Variants in GRM1 observed in about 807,000 individuals in gnomAD.
The protein encoded by GRM1 is glutamate metabotropic receptor 1, also known as metabotropic glutamate receptor 1.
Under a neutral mutation model 90.9 loss-of-function variants are expected in GRM1, and 33 were observed. The observed-to-expected ratio is 0.36, with a 90% confidence interval of 0.28 to 0.49. The LOEUF is 0.49. GRM1 is among the 20% of genes least tolerant of loss of function. The pLI is 0.99. For missense variants in GRM1, 1,190 were observed against 1,534.3 expected, an observed-to-expected ratio of 0.78 and a Z score of 3.75; for synonymous variants, 700 against 613.2, an observed-to-expected ratio of 1.14 and a Z score of -2.09.
At chr6:146,365,647 C>G (rs1398335213) in intron 5 of GRM1, among the ~76,000 whole-genome samples, 1 of 152,152 alleles carries the variant, frequency 6.6e-6, no homozygotes, top group African/African-American at 2.4e-5. Flanking sequence ...GCAGGGTACT[C>G]ATCCTACCTA....
At chr6:146,253,346 A>G (rs1781369569) in intron 2 of GRM1, among the ~76,000 whole-genome samples, 1 of 152,108 alleles carries the variant, frequency 6.6e-6, no homozygotes, top group South Asian at 2.1e-4. Context: ...TAACATTATA[A>G]ATGATTGATT....
At chr6:146,119,254 T>A (rs1775886474) in intron 1 of GRM1, among the ~76,000 whole-genome samples, 1 of 152,260 alleles carries the variant, frequency 6.6e-6, no homozygotes, top group South Asian at 2.1e-4. Flanking sequence ...GAGAAGTGTC[T>A]GTTCATATCC....
chr6:146,103,184 A>T (rs532557800), intron 1 of GRM1, among the ~76,000 whole-genome samples: 49 of 152,332 alleles, frequency 3.2e-4, no homozygotes, highest in African/African-American at 1.1e-3. Flanking sequence ...GCATAATGAT[A>T]TAAGTATATT....
chr6:146,211,443 C>T (rs1779684944), intron 2 of GRM1, among the ~76,000 whole-genome samples: 1 of 151,682 alleles, frequency 6.6e-6, no homozygotes, highest in Non-Finnish European at 1.5e-5. Context: ...TGAAATTTTT[C>T]TTGGGTCTCT....
chr6:146,404,639 T>G (rs1777273619), intron 7 of GRM1, among the ~76,000 whole-genome samples: 2 of 152,196 alleles, frequency 1.3e-5, no homozygotes, highest in Non-Finnish European at 2.9e-5. Flanking sequence ...TCAGAAATGT[T>G]AATGCACTTT....
chr6:146,185,365 C>T (rs751867549), intron 2 of GRM1, among the ~76,000 whole-genome samples: 7 of 152,216 alleles, frequency 4.6e-5, no homozygotes, highest in Non-Finnish European at 8.8e-5. Context: ...ACAGCCAAGA[C>T]TGTGAAAGCT....
At chr6:146,086,147 A>G (rs2128865515) in intron 1 of GRM1, among the ~76,000 whole-genome samples, 1 of 152,252 alleles carries the variant, frequency 6.6e-6, no homozygotes, top group East Asian at 1.9e-4. Context: ...ACCTCTTTCT[A>G]GTTTGGAAAT....
chr6:146,092,481 G>T (rs1459651052), intron 1 of GRM1, among the ~76,000 whole-genome samples: 1 of 152,014 alleles, frequency 6.6e-6, no homozygotes, highest in Non-Finnish European at 1.5e-5. Flanking sequence ...TTTTGGTATT[G>T]TATTATCTTT....
At chr6:146,328,922 T>C (rs1003487922) in intron 3 of GRM1, among the ~76,000 whole-genome samples, 5 of 152,204 alleles carry the variant, frequency 3.3e-5, no homozygotes, top group Non-Finnish European at 1.5e-5. Flanking sequence ...CATGTTATCC[T>C]TCATCCTCAA....
intron 2 of GRM1, among the ~76,000 whole-genome samples, chr6:146,241,837 C>CAGTATTTATAAAA (rs1359868852): frequency 1.2e-4 from 19 of 152,160 alleles, no homozygotes; most frequent in African/African-American, 4.6e-4. Context: ...TATAAAATAC[C>CAGTATTTATAAAA]TACTGGGCAC....
chr6:146,223,044 G>A (rs1780124480), intron 2 of GRM1, among the ~76,000 whole-genome samples: 1 of 151,898 alleles, frequency 6.6e-6, no homozygotes, highest in African/African-American at 2.4e-5. Context: ...AGGAACTCTT[G>A]GTGTCTCTCT....
At chr6:146,079,537 G>A (rs1286212524) in intron 1 of GRM1, among the ~76,000 whole-genome samples, 1 of 152,084 alleles carries the variant, frequency 6.6e-6, no homozygotes, top group African/African-American at 2.4e-5. Context: ...AAAATTTATT[G>A]TCCTGTCTCA....
intron 2 of GRM1, among the ~76,000 whole-genome samples, chr6:146,276,031 A>G (rs1782348659): frequency 6.6e-6 from 1 of 152,178 alleles, no homozygotes; most frequent in African/African-American, 2.4e-5. Flanking sequence ...GGGTAAAATC[A>G]TTAATGTTAT....
intron 2 of GRM1, among the ~76,000 whole-genome samples, chr6:146,260,935 AT>A (rs1228721811): frequency 6.8e-6 from 1 of 146,776 alleles, no homozygotes; most frequent in Non-Finnish European, 1.5e-5. Flanking sequence ...TCACCTCTAT[AT>A]TTTTAGCATC....
At chr6:146,183,715 A>G (rs1778628040) in intron 2 of GRM1, among the ~76,000 whole-genome samples, 1 of 152,146 alleles carries the variant, frequency 6.6e-6, no homozygotes, top group Admixed American at 6.6e-5. Flanking sequence ...ACCTTCGTGT[A>G]TAGGCTGATT....
intron 3 of GRM1, among the ~76,000 whole-genome samples, chr6:146,336,607 T>A (rs1300515524): frequency 6.6e-6 from 1 of 152,148 alleles, no homozygotes; most frequent in East Asian, 1.9e-4. Context: ...GTGCTGTGAG[T>A]GTTCTAGTTG....
chr6:146,336,712 C>T (rs1554298283), intron 3 of GRM1, among the ~76,000 whole-genome samples: 1 of 152,206 alleles, frequency 6.6e-6, no homozygotes, highest in Non-Finnish European at 1.5e-5. Flanking sequence ...CCTGGCTTTT[C>T]CCTTTCTCCA....
chr6:146,360,465 T>C (rs1014285591), intron 5 of GRM1, among the ~76,000 whole-genome samples: 17 of 152,018 alleles, frequency 1.1e-4, no homozygotes, highest in Non-Finnish European at 2.5e-4. Context: ...TGTCAGATGG[T>C]TTACTAGGGG....
chr6:146,325,242 A>C (rs1206617970), intron 3 of GRM1, among the ~76,000 whole-genome samples: 2 of 152,202 alleles, frequency 1.3e-5, no homozygotes, highest in African/African-American at 2.4e-5. Flanking sequence ...AGGGACAAAA[A>C]GAAAGGAGTT....
Sources: allele counts gnomAD v4.1 joint callset (sites outside exome capture counted in the v4.1 genomes callset), GRCh38; gene constraint gnomAD v4.1.1; transcripts MANE v1.5; gene names NCBI Gene and HGNC (gene_info 2026-07-23, HGNC 2026-07-21).